The following NOL9 variants were observed in gnomAD, a reference collection of about 807,000 sequenced individuals.
NOL9 encodes polynucleotide 5'-hydroxyl-kinase NOL9.
Under a neutral mutation model 67.9 loss-of-function variants are expected in NOL9, and 28 were observed. The observed-to-expected ratio is 0.41, with a 90% CI of 0.31 to 0.57. The LOEUF (loss-of-function observed/expected upper bound fraction) is 0.57. NOL9 is among the 20% of genes least tolerant of loss of function. NOL9 has a pLI of 0.25. For synonymous variants in NOL9, 356 were observed against 352.2 expected (o/e 1.01, Z -0.12); for missense variants, 777 against 897.0 (o/e 0.87, Z 1.71).
chr1:6,541,619 A>G (rs1272255940), intron 6 of NOL9, among the ~76,000 whole-genome samples: 2 of 152,256 alleles, frequency 1.3e-5, no homozygotes, highest in African/African-American at 4.8e-5. Context: ...ATTTCATAAA[A>G]CAAAATGAGT....
intron 1 of NOL9, 38 bp from the exon 2 acceptor site, chr1:6,550,653 A>G (rs745655544): frequency 1.1e-5 from 14 of 1,303,448 alleles, no homozygotes; most frequent in African/African-American, 1.0e-4. Context: ...ATTATAGATC[A>G]TGTCACTAAT....
intron 1 of NOL9, among the ~76,000 whole-genome samples, chr1:6,552,385 C>G (rs943798981): frequency 1.3e-5 from 2 of 152,020 alleles, no homozygotes; most frequent in African/African-American, 4.8e-5. Context: ...CAGCTCCATC[C>G]AAGTCCCTGC....
At position 6,525,729 on chromosome 1, in the gene NOL9, CAA is replaced by C; in HGVS notation, c.*123_*124del. The C allele has an allele frequency of 1.0e-6, 1 of 993,602 alleles. No individual in the cohort carries two copies. Among genetic ancestry groups the C allele is most frequent in the Non-Finnish European group, 1.5e-6 (1 of 653,100 alleles). The allele number at this position is 993,602 out of a possible 1,614,324, so 61.5% of individuals were successfully genotyped here. A position where few individuals can be genotyped will look rare whatever the true frequency, so the allele number is the denominator to read the frequency against. On this transcript the variant is annotated 3_prime_UTR_variant, in exon 12 of 12. Coordinates refer to ENST00000377705, the MANE Select transcript of NOL9 (RefSeq NM_024654.5). ...TACTATATGACATTCACGAATTACACAAAAAACACTGTTGCTAATAAGGGCAC... is the reference window on the plus strand; with the variant it reads ...TACTATATGACATTCACGAATTACACAAAACACTGTTGCTAATAAGGGCAC...
chr1:6,541,123 C>T (rs1042366820), intron 6 of NOL9, among the ~76,000 whole-genome samples: 1 of 150,236 alleles, frequency 6.7e-6, no homozygotes, highest in Non-Finnish European at 1.5e-5. Flanking sequence ...TCATGCGATT[C>T]TCCTGCCTCG....
intron 1 of NOL9, among the ~76,000 whole-genome samples, chr1:6,550,935 G>A (rs867741750): frequency 2.8e-4 from 42 of 152,038 alleles, no homozygotes; most frequent in African/African-American, 8.2e-4. Context: ...CATCCACCTC[G>A]GCCTCCCAAA....
rs1484253558 is a variant in NOL9, at chr1:6,533,423, A to G, written c.1094T>C (p.Leu365Pro). The change falls in exon 7 of 12, where the codon CTG becomes CCG. Residue 365 changes from leucine (L) to proline (P), a missense_variant. Transcript: ENST00000377705. ...ATATACCATCTTCTGTGGAGTCCTC[A>G]GGTGAGTGAAAGGTGGTCCTAAAAA... ...EPVLGPPFTH[L>P]RTPQKMVYYG... 1 of 1,600,652 alleles carries G rather than the reference A, an allele frequency of 6.2e-7. No individual in the cohort carries two copies. Among genetic ancestry groups the G allele is most frequent in the Non-Finnish European group, 8.5e-7 (1 of 1,172,150 alleles).
At chr1:6,531,304 C>T (rs1639022432) in intron 9 of NOL9, among the ~76,000 whole-genome samples, 1 of 152,066 alleles carries the variant, frequency 6.6e-6, no homozygotes, top group Admixed American at 6.6e-5. Context: ...ACCTCCGCCT[C>T]CTGGGTTCAA....
intron 5 of NOL9, among the ~76,000 whole-genome samples, chr1:6,542,695 G>A (rs4908917): frequency 0.81 from 122,332 of 151,502 alleles, 50,191 homozygotes; most frequent in Non-Finnish European, 0.87. Flanking sequence ...CTGACCTTGG[G>A]ATCCGCCTGC....
rs1638866524 is a variant in NOL9, at chr1:6,525,625, C to T, written c.*229G>A. 1 of 554,836 alleles carries T rather than the reference C, an allele frequency of 1.8e-6. No homozygotes were observed. Among genetic ancestry groups the T allele is most frequent in the East Asian group, 3.0e-5 (1 of 33,610 alleles). The allele number at this position is 554,836 out of a possible 1,614,324, so 34.4% of individuals were successfully genotyped here. On this transcript the variant is annotated 3_prime_UTR_variant, in exon 12 of 12. Transcript: ENST00000377705. ...ACTGTTCTCTGCTGTTTTACTCCCTCTGGACAGCAAGTATGAGTATCACAC... is the reference window on the plus strand; with the variant it reads ...ACTGTTCTCTGCTGTTTTACTCCCTTTGGACAGCAAGTATGAGTATCACAC...
chr1:6,535,976 C>T (rs1165105510), intron 6 of NOL9, among the ~76,000 whole-genome samples: 1 of 150,846 alleles, frequency 6.6e-6, no homozygotes, highest in African/African-American at 2.4e-5. Context: ...ACTTCAAAAG[C>T]AGTTATAATT....
chr1:6,528,921 G>A (rs1045418693), intron 10 of NOL9, 73 bp downstream of exon 10: 3 of 1,456,784 alleles, frequency 2.1e-6, no homozygotes, highest in Admixed American at 3.5e-5. Context: ...ACAAGGTCAA[G>A]ACCAGTCATC....
At chr1:6,528,963 G>A in intron 10 of NOL9, 31 bp downstream of exon 10, 1 of 1,608,508 alleles carries the variant, frequency 6.2e-7, no homozygotes, top group African/African-American at 1.3e-5. Flanking sequence ...TTTTCAGTAG[G>A]TTTATGGATA....
In NOL9 at chr1:6,526,813, A is replaced by C. The variant is rs1638895703; in HGVS notation, c.1842T>G (p.Ile614Met). ...DCLGFGICRG[I>M]DMEKRLYHIL... is the part of the protein sequence containing the mutation. ...TGTGGTACAGCCGCTTCTCCATGTC[A>C]ATGCCTCTACAGATGCCTTCAAGAC... The change falls in exon 11 of 12, where the codon ATT becomes ATG. Residue 614 changes from isoleucine (I) to methionine (M), a missense_variant. By Grantham distance (10) the Ile-to-Met change is conservative. Transcript: ENST00000377705. The C allele has an allele frequency of 1.2e-6, 2 of 1,611,138 alleles. No homozygotes were observed. The highest frequency in any genetic ancestry group is 2.2e-5 in the South Asian group (2 of 90,814).
intron 5 of NOL9, among the ~76,000 whole-genome samples, chr1:6,544,535 A>ATG (rs1639373788): frequency 5.0e-5 from 1 of 20,136 alleles, no homozygotes; most frequent in Non-Finnish European, 1.8e-4. Context: ...ACACGCACGC[A>ATG]CACACGCACC....
chr1:6,536,697 G>C (rs1639164505), intron 6 of NOL9, among the ~76,000 whole-genome samples: 1 of 152,014 alleles, frequency 6.6e-6, no homozygotes, highest in Non-Finnish European at 1.5e-5. Flanking sequence ...AGGCTTGGTG[G>C]TGCATACCTG....
In NOL9 at chr1:6,526,678, G is replaced by A; in HGVS notation, c.1959+18C>T. ...CTGAGTAGGCTCCTTCCAGGGCTGT[G>A]CCCGGGGGAAGGCTCACCTGGCACT... On this transcript the variant is annotated intron_variant, in intron 11 of 11. Transcript: ENST00000377705. 1 of 1,602,398 alleles carries A rather than the reference G, an allele frequency of 6.2e-7. No homozygotes were observed. Among genetic ancestry groups the A allele is most frequent in the African/African-American group, 1.3e-5 (1 of 74,766 alleles).
At chr1:6,529,759 C>A (rs1478662555) in intron 9 of NOL9, among the ~76,000 whole-genome samples, 2 of 151,836 alleles carry the variant, frequency 1.3e-5, no homozygotes, top group East Asian at 3.9e-4. Flanking sequence ...AACCCTGTCT[C>A]TACTAAAAAT....
chr1:6,553,621 C>G (rs557124496), intron 1 of NOL9, among the ~76,000 whole-genome samples: 122 of 151,666 alleles, frequency 8.0e-4, no homozygotes, highest in African/African-American at 2.9e-3. Flanking sequence ...GCGGGTGGAT[C>G]ACAAGGTCAG....
At chr1:6,541,265 C>T (rs545921215) in intron 6 of NOL9, among the ~76,000 whole-genome samples, 1 of 152,278 alleles carries the variant, frequency 6.6e-6, no homozygotes, top group African/African-American at 2.4e-5. Flanking sequence ...CTCATTGCAA[C>T]TTCCGTCTCC....
Sources: gnomAD v4.1 joint callset for allele counts (sites outside exome capture counted in the v4.1 genomes callset) on GRCh38, gnomAD v4.1.1 for gene constraint, MANE v1.5 for transcripts, NCBI Gene and HGNC (gene_info 2026-07-23, HGNC 2026-07-21) for gene names.